PTPRG: variants seen among roughly 807,000 people sequenced by gnomAD.
PTPRG encodes the protein receptor-type tyrosine-protein phosphatase gamma.
Under a neutral mutation model 165.3 loss-of-function variants are expected in PTPRG, and 102 were observed. The ratio of observed to expected loss-of-function variants is 0.62; its 90% CI spans 0.53 to 0.73. PTPRG has a LOEUF of 0.73. Ranked by LOEUF, PTPRG falls within the 30% of genes least tolerant of loss-of-function variation. PTPRG has a pLI of 0.00. For missense variants in PTPRG, 1,866 were observed against 1,861.4 expected (o/e 1.00, Z -0.05); for synonymous variants, 675 against 669.5 (o/e 1.01, Z -0.13).
At chr3:62,065,428 T>C (rs1422235214) in intron 4 of PTPRG, among the ~76,000 whole-genome samples, 1 of 152,164 alleles carries the variant, frequency 6.6e-6, no homozygotes, top group African/African-American at 2.4e-5. Flanking sequence ...ACTGTTGAAG[T>C]GATGGACACT....
At chr3:62,116,920 A>C (rs1423791666) in intron 5 of PTPRG, among the ~76,000 whole-genome samples, 1 of 152,232 alleles carries the variant, frequency 6.6e-6, no homozygotes, top group East Asian at 1.9e-4. Flanking sequence ...CAGTGACCTG[A>C]CAGTCTTGAG....
intron 8 of PTPRG, among the ~76,000 whole-genome samples, chr3:62,180,180 C>T (rs1174721582): frequency 6.6e-6 from 1 of 152,188 alleles, no homozygotes; most frequent in African/African-American, 2.4e-5. Flanking sequence ...CTGTGTGGGT[C>T]ACTGGTTGAT....
chr3:62,269,070 T>C lies in PTPRG; in HGVS notation c.2910T>C (p.Ser970=). The C allele has an allele frequency of 6.2e-7, 1 of 1,604,726 alleles. No homozygotes were observed. The highest frequency in any genetic ancestry group is 1.1e-5 in the South Asian group (1 of 90,008). Residue 970 remains serine (S), a synonymous_variant, in exon 20 of 30, where the codon AGT becomes AGC. Coordinates refer to ENST00000474889, the MANE Select transcript of PTPRG (RefSeq NM_002841.4). ...KCDQYWPTEN[S]EEYGNIIVTL... is the part of the protein sequence containing the mutation. ...ATCAGTATTGGCCAACAGAGAACAGTGAGGAATATGGAAACATTATTGTCA... is the reference window on the plus strand; with the variant it reads ...ATCAGTATTGGCCAACAGAGAACAGCGAGGAATATGGAAACATTATTGTCA...
intron 1 of PTPRG, among the ~76,000 whole-genome samples, chr3:61,658,395 C>T (rs530077036): frequency 6.6e-6 from 1 of 152,270 alleles, no homozygotes; most frequent in East Asian, 1.9e-4. Context: ...AGTGGAGAGC[C>T]TGGTTGGTCC....
intron 1 of PTPRG, among the ~76,000 whole-genome samples, chr3:61,696,884 G>A (rs1019186974): frequency 2.6e-5 from 4 of 152,104 alleles, no homozygotes; most frequent in Admixed American, 6.6e-5. Flanking sequence ...CACTGATAAC[G>A]GTCTTGTGAC....
intron 1 of PTPRG, among the ~76,000 whole-genome samples, chr3:61,564,972 T>G (rs1421645622): frequency 2.0e-5 from 3 of 152,232 alleles, no homozygotes; most frequent in African/African-American, 7.2e-5. Flanking sequence ...GCTTATCTGT[T>G]TGACATGAGG....
chr3:61,825,507 A>C (rs2036080224), intron 2 of PTPRG, among the ~76,000 whole-genome samples: 1 of 152,224 alleles, frequency 6.6e-6, no homozygotes, highest in Non-Finnish European at 1.5e-5. Flanking sequence ...CATAGATTTT[A>C]AAAGCTGAAC....
chr3:61,775,285 G>T (rs2034339603), intron 2 of PTPRG, among the ~76,000 whole-genome samples: 1 of 152,074 alleles, frequency 6.6e-6, no homozygotes, highest in Non-Finnish European at 1.5e-5. Context: ...TGGCCAGGCT[G>T]GTCTCGAACT....
intron 2 of PTPRG, among the ~76,000 whole-genome samples, chr3:61,977,403 G>A (rs112475783): frequency 2.1e-4 from 32 of 152,246 alleles, no homozygotes; most frequent in Non-Finnish European, 4.0e-4. Flanking sequence ...AATTATAGAA[G>A]TATTACATGT....
intron 5 of PTPRG, among the ~76,000 whole-genome samples, chr3:62,123,191 T>G (rs1156259637): frequency 6.6e-6 from 1 of 152,214 alleles, no homozygotes; most frequent in East Asian, 1.9e-4. Flanking sequence ...GGGGAATGAT[T>G]CACTTCTAAT....
chr3:61,698,345 A>G (rs901064934), intron 1 of PTPRG, among the ~76,000 whole-genome samples: 1 of 152,166 alleles, frequency 6.6e-6, no homozygotes, highest in African/African-American at 2.4e-5. Context: ...TTTGCAGGTC[A>G]TACCTTGTCT....
At chr3:62,169,133 C>A (rs1178831679) in intron 8 of PTPRG, among the ~76,000 whole-genome samples, 3 of 151,972 alleles carry the variant, frequency 2.0e-5, no homozygotes, top group Non-Finnish European at 4.4e-5. Flanking sequence ...CGGGATATGG[C>A]GGGCCAAAAG....
At chr3:61,609,039 G>A (rs990875730) in intron 1 of PTPRG, among the ~76,000 whole-genome samples, 1 of 152,124 alleles carries the variant, frequency 6.6e-6, no homozygotes, top group African/African-American at 2.4e-5. Context: ...AACATGATAC[G>A]GAAGCCTTTG....
At chr3:61,996,325 T>G (rs180922548) in intron 3 of PTPRG, among the ~76,000 whole-genome samples, 2 of 152,196 alleles carry the variant, frequency 1.3e-5, no homozygotes, top group Non-Finnish European at 1.5e-5. Flanking sequence ...TTTTTAATTA[T>G]AACGCTTCCA....
intron 1 of PTPRG, among the ~76,000 whole-genome samples, chr3:61,647,327 A>T (rs930911113): frequency 6.6e-6 from 1 of 152,202 alleles, no homozygotes; most frequent in African/African-American, 2.4e-5. Flanking sequence ...CTTACATGCC[A>T]GATATTATAC....
chr3:62,239,619 CAA>C (rs1256790502), intron 14 of PTPRG, among the ~76,000 whole-genome samples: 1 of 152,084 alleles, frequency 6.6e-6, no homozygotes, highest in Non-Finnish European at 1.5e-5. Context: ...CTCGGCCTCC[CAA>C]AGTGCTGGGA....
At position 61,870,804 on chromosome 3, in the gene PTPRG, A is replaced by G. The variant is rs2037549874; in HGVS notation, c.191-118821A>G. Among the ~76,000 whole-genome samples, 5 of 152,250 alleles carry G rather than the reference A, an allele frequency of 3.3e-5. No individual in the cohort carries two copies. In the South Asian group the frequency reaches 1.0e-3, roughly 32 times the overall value. The stretch of plus-strand genomic sequence containing the variant: ...AATGTTGAATAAAATAGAGGCATTC[A>G]TAGTAATAATAACTGCGTCATACTA... On this transcript the variant is annotated intron_variant, in intron 2 of 29. Transcript: ENST00000474889.
At chr3:62,116,206 T>A (rs1359771000) in intron 5 of PTPRG, among the ~76,000 whole-genome samples, 6 of 152,160 alleles carry the variant, frequency 3.9e-5, no homozygotes, top group Admixed American at 1.3e-4. Context: ...GAGGTTCTGC[T>A]GACTTCCGTT....
At chr3:61,685,351 T>G (rs1394645128) in intron 1 of PTPRG, among the ~76,000 whole-genome samples, 1 of 152,156 alleles carries the variant, frequency 6.6e-6, no homozygotes, top group Non-Finnish European at 1.5e-5. Flanking sequence ...AGAGGGTTGG[T>G]TAAAATTAAG....
Sources: gnomAD v4.1 joint callset for allele counts (sites outside exome capture counted in the v4.1 genomes callset) on GRCh38, gnomAD v4.1.1 for gene constraint, MANE v1.5 for transcripts, NCBI Gene and HGNC (gene_info 2026-07-23, HGNC 2026-07-21) for gene names.